ANKRD17: variants seen among roughly 807,000 people sequenced by gnomAD.
The protein encoded by ANKRD17 is ankyrin repeat domain-containing protein 17.
A neutral mutation model predicts 229.7 loss-of-function variants in ANKRD17; 19 were observed. The observed-to-expected ratio is 0.08, with a 90% CI of 0.06 to 0.12. The LOEUF (loss-of-function observed/expected upper bound fraction) is 0.12. ANKRD17 is among the 10% of genes least tolerant of loss of function. ANKRD17 has a pLI of 1.00. For synonymous variants in ANKRD17, 1,112 were observed against 1,146.1 expected (o/e 0.97, Z 0.60); for missense variants, 2,176 against 3,176.8 (o/e 0.68, Z 7.57).
At position 73,118,852 on chromosome 4, in the gene ANKRD17, TA is replaced by T; in HGVS notation, c.4026-3del. 3 of 1,079,636 alleles carry T rather than the reference TA, an allele frequency of 2.8e-6. No homozygotes were observed. The South Asian group carries it at 3.7e-5, about 13-fold the overall frequency. 66.9% of individuals were successfully genotyped at this position (1,079,636 alleles called of 1,614,324 possible). On this transcript the variant is annotated splice_polypyrimidine_tract_variant and splice_region_variant and intron_variant, in intron 21 of 33. Coordinates refer to ENST00000358602, the MANE Select transcript of ANKRD17 (RefSeq NM_032217.5). ...TTACGTACATCAATATGAGCTCCCC[TA>T]AAAACCAATGACACAGATAGCATTG...
At chr4:73,241,503 TA>T (rs1419844158) in intron 1 of ANKRD17, among the ~76,000 whole-genome samples, 1 of 152,188 alleles carries the variant, frequency 6.6e-6, no homozygotes, top group Non-Finnish European at 1.5e-5. Context: ...TTATTATTTT[TA>T]AAAAGAGGTA....
At chr4:73,161,990 A>G (rs776321200) in intron 2 of ANKRD17, among the ~76,000 whole-genome samples, 84 of 151,348 alleles carry the variant, frequency 5.6e-4, no homozygotes, top group Non-Finnish European at 1.1e-3. Flanking sequence ...GATCCGCCCA[A>G]CTCAGCCTCC....
chr4:73,154,479 C>G (rs1381512353), intron 5 of ANKRD17, among the ~76,000 whole-genome samples: 1 of 151,706 alleles, frequency 6.6e-6, no homozygotes, highest in Non-Finnish European at 1.5e-5. Flanking sequence ...GCTTCACAAG[C>G]TTTTTTTTAA....
At chr4:73,111,532 C>T (rs1478835659) in intron 24 of ANKRD17, among the ~76,000 whole-genome samples, 1 of 152,062 alleles carries the variant, frequency 6.6e-6, no homozygotes, top group Non-Finnish European at 1.5e-5. Context: ...GAAAGCAAAA[C>T]CACAAATAAA....
In ANKRD17 at chr4:73,156,058, A is replaced by C. The variant is rs151304836; in HGVS notation, c.813T>G (p.Leu271=). ...NEHTEEGESL[L]CLACSAGYYE... The stretch of plus-strand genomic sequence containing the variant: ...AGTATCCAGCAGAACAAGCTAAACA[A>C]AGGAGGCTCTCCCCTTCCTCTGTGT... Residue 271 remains leucine (L), a synonymous_variant, in exon 4 of 34, where the codon CTT becomes CTG. Transcript: ENST00000358602. 9.3e-6 allele frequency: 15 copies of C among 1,611,664 alleles called. No homozygotes were observed. In the African/African-American group the frequency reaches 2.0e-4, roughly 22 times the overall value.
In ANKRD17 at chr4:73,206,422, A is replaced by AAGCG. The variant is rs1480843501; in HGVS notation, c.394-28890_394-28889insCGCT. On this transcript the variant is annotated intron_variant, in intron 1 of 33. Coordinates refer to ENST00000358602, the MANE Select transcript of ANKRD17 (RefSeq NM_032217.5). The stretch of plus-strand genomic sequence containing the variant: ...AGAAAGAAAGAGAGAGAGAGAAAGA[A>AAGCG]AGTGAGAGAGAGAGAGAGAGAGAGA... Among the ~76,000 whole-genome samples, 1,302 of 144,738 alleles carry AAGCG rather than the reference A, an allele frequency of 9.0e-3. 17 individuals are homozygous for AAGCG. Among genetic ancestry groups the AAGCG allele is most frequent in the African/African-American group, 0.023 (872 of 37,598 alleles). 95.0% of individuals were successfully genotyped at this position (144,738 alleles called of 152,430 possible).
intron 1 of ANKRD17, among the ~76,000 whole-genome samples, chr4:73,232,662 T>C (rs1161764543): frequency 6.6e-6 from 1 of 152,156 alleles, no homozygotes; most frequent in Admixed American, 6.6e-5. Context: ...CCCGAGAACA[T>C]ATTTACTTCA....
intron 1 of ANKRD17, among the ~76,000 whole-genome samples, chr4:73,204,358 C>CAAAAA (rs374000000): frequency 5.4e-3 from 306 of 56,640 alleles, no homozygotes; most frequent in Middle Eastern, 0.024. Flanking sequence ...GAGACTCCGT[C>CAAAAA]AAAAAAAAAA....
At chr4:73,165,635 C>T (rs777273573) in intron 2 of ANKRD17, among the ~76,000 whole-genome samples, 10 of 152,144 alleles carry the variant, frequency 6.6e-5, no homozygotes, top group Non-Finnish European at 1.0e-4. Flanking sequence ...AATTAAGTTA[C>T]GTTATATAGC....
intron 1 of ANKRD17, among the ~76,000 whole-genome samples, chr4:73,195,467 A>G (rs1737724696): frequency 6.6e-6 from 1 of 152,050 alleles, no homozygotes; most frequent in South Asian, 2.1e-4. Context: ...ATATCATGTA[A>G]TATGTGCACG....
chr4:73,153,930 G>T lies in ANKRD17; in HGVS notation c.1184C>A (p.Thr395Lys). Reference sequence around the variant, plus strand: ...ACTCTCTTTAAATTCATTAGAATGCGTATTAATGCCAGCCCCATTTTCTAG... The same window carrying T: ...ACTCTCTTTAAATTCATTAGAATGCTTATTAATGCCAGCCCCATTTTCTAG... ...LLLENGAGIN[T>K]HSNEFKESAL... The change falls in exon 6 of 34, where the codon ACG becomes AAG. Residue 395 changes from threonine to lysine, a missense_variant. Thr to Lys is a moderately conservative substitution (Grantham distance 78, BLOSUM62 -1). Transcript: ENST00000358602. The T allele has an allele frequency of 6.2e-7, 1 of 1,610,522 alleles. No individual in the cohort carries two copies. Among genetic ancestry groups the T allele is most frequent in the Non-Finnish European group, 8.5e-7 (1 of 1,178,288 alleles).
At chr4:73,126,108 C>T (rs1215706806) in intron 16 of ANKRD17, among the ~76,000 whole-genome samples, 1 of 152,162 alleles carries the variant, frequency 6.6e-6, no homozygotes, top group African/African-American at 2.4e-5. Context: ...GTCTCCCCAA[C>T]TTGAGAAGAC....
chr4:73,165,850 C>A (rs552406877), intron 2 of ANKRD17, among the ~76,000 whole-genome samples: 65 of 152,020 alleles, frequency 4.3e-4, no homozygotes, highest in Admixed American at 7.2e-4. Flanking sequence ...AGATGACAGC[C>A]CATAAAAAAA....
At position 73,120,353 on chromosome 4, in the gene ANKRD17, A is replaced by G; in HGVS notation, c.3850-16T>C. Reference sequence around the variant, plus strand: ...TGAGACCAGTCTAAGTTTAGTGTAAAATTAAAAGTAATGACACGTAAGAGA... The same window carrying G: ...TGAGACCAGTCTAAGTTTAGTGTAAGATTAAAAGTAATGACACGTAAGAGA... On this transcript the variant is annotated splice_polypyrimidine_tract_variant and intron_variant, in intron 20 of 33. Coordinates refer to ENST00000358602, the MANE Select transcript of ANKRD17 (RefSeq NM_032217.5). 6.2e-7 allele frequency: 1 copy of G among 1,610,734 alleles called. No individual in the cohort carries two copies. The highest frequency in any genetic ancestry group is 8.5e-7 in the Non-Finnish European group (1 of 1,178,242).
intron 1 of ANKRD17, among the ~76,000 whole-genome samples, chr4:73,251,982 A>G (rs1387679222): frequency 2.0e-5 from 3 of 152,228 alleles, no homozygotes; most frequent in Non-Finnish European, 1.5e-5. Context: ...ACTAAAAATA[A>G]TGGTTCAATT....
chr4:73,119,867 G>A (rs1726482882), intron 21 of ANKRD17, among the ~76,000 whole-genome samples: 1 of 152,172 alleles, frequency 6.6e-6, no homozygotes, highest in African/African-American at 2.4e-5. Flanking sequence ...GTGTGTGGGG[G>A]ATGTAAGTAT....
At chr4:73,126,755 A>G (rs1051229760) in intron 16 of ANKRD17, among the ~76,000 whole-genome samples, 1 of 152,064 alleles carries the variant, frequency 6.6e-6, no homozygotes, top group African/African-American at 2.4e-5. Flanking sequence ...TATTTTTGAG[A>G]TGGAGTCTCG....
At chr4:73,251,468 G>A (rs1215283023) in intron 1 of ANKRD17, among the ~76,000 whole-genome samples, 4 of 151,992 alleles carry the variant, frequency 2.6e-5, no homozygotes, top group Non-Finnish European at 5.9e-5. Flanking sequence ...TAAGATTCAA[G>A]GGACTAGAAG....
intron 6 of ANKRD17, 64 bp downstream of exon 6, chr4:73,153,816 T>C: frequency 8.9e-7 from 1 of 1,120,092 alleles, no homozygotes; most frequent in Non-Finnish European, 1.2e-6. Context: ...GAAACAAGAT[T>C]ACATAAAATA....
Sources: gnomAD v4.1 joint callset for allele counts (sites outside exome capture counted in the v4.1 genomes callset) on GRCh38, gnomAD v4.1.1 for gene constraint, MANE v1.5 for transcripts, NCBI Gene and HGNC (gene_info 2026-07-23, HGNC 2026-07-21) for gene names.